The following NR1H4 variants were observed in gnomAD, a reference collection of about 807,000 sequenced individuals.
NR1H4 encodes bile acid receptor.
Under a neutral mutation model 58.5 loss-of-function variants are expected in NR1H4, and 23 were observed. The ratio of observed to expected loss-of-function variants is 0.39; its 90% CI spans 0.28 to 0.56. NR1H4 has a LOEUF of 0.56. NR1H4 is among the 20% of genes least tolerant of loss of function. The probability of loss-of-function intolerance (pLI) is 0.58; values close to 1 mark genes in which losing one functional copy is unlikely to be tolerated. For synonymous variants in NR1H4, 214 were observed against 198.0 expected, an observed-to-expected ratio of 1.08 and a Z score of -0.68; for missense variants, 487 against 576.9, an observed-to-expected ratio of 0.84 and a Z score of 1.60.
chr12:100,511,434 A>T (rs1291635638), intron 4 of NR1H4, among the ~76,000 whole-genome samples: 1 of 152,116 alleles, frequency 6.6e-6, no homozygotes, highest in African/African-American at 2.4e-5. Flanking sequence ...ATTAAATTGA[A>T]TTTTTTGTAG....
chr12:100,530,742 C>T (rs192154990), intron 4 of NR1H4, among the ~76,000 whole-genome samples: 2 of 152,286 alleles, frequency 1.3e-5, no homozygotes, highest in South Asian at 2.1e-4. Flanking sequence ...ACCACTGGAA[C>T]GTGTAGTAAC....
Position 100,548,010 on chromosome 12 carries a change from G to A in NR1H4, c.1078+7192G>A, listed in dbSNP as rs750251922. 5.7e-4 allele frequency among the ~76,000 whole-genome samples: 85 copies of A among 150,298 alleles called. 1 individual carries two copies. The highest frequency in any genetic ancestry group is 1.1e-3 in the Non-Finnish European group (73 of 67,520). ...GCTGGGATTACAGGCTTGAGCCACC[G>A]CACCCGGCCCTGTTCCTCTTTTTAT... On this transcript the variant is annotated intron_variant, in intron 9 of 10. Transcript: ENST00000392986.
intron 4 of NR1H4, among the ~76,000 whole-genome samples, chr12:100,513,373 A>G (rs1223409096): frequency 1.3e-5 from 2 of 152,220 alleles, no homozygotes; most frequent in African/African-American, 4.8e-5. Context: ...AGTAAATATT[A>G]CCCTCGATTC....
chr12:100,506,251 C>T (rs928843324), intron 3 of NR1H4, among the ~76,000 whole-genome samples: 3 of 152,082 alleles, frequency 2.0e-5, no homozygotes, highest in Non-Finnish European at 2.9e-5. Flanking sequence ...TCTCAGCAAC[C>T]GTATTTTACA....
chr12:100,528,790 C>CA (rs1297760924), intron 4 of NR1H4, among the ~76,000 whole-genome samples: 2 of 152,164 alleles, frequency 1.3e-5, no homozygotes, highest in African/African-American at 4.8e-5. Flanking sequence ...ATACCAGAGT[C>CA]AAAAAACCCT....
intron 4 of NR1H4, among the ~76,000 whole-genome samples, chr12:100,529,576 G>A (rs574227301): frequency 8.6e-4 from 130 of 151,878 alleles, no homozygotes; most frequent in African/African-American, 2.3e-3. Context: ...CTACCCAACC[G>A]CCACCAAGAT....
At chr12:100,516,403 T>C (rs1232745917) in intron 4 of NR1H4, among the ~76,000 whole-genome samples, 1 of 152,090 alleles carries the variant, frequency 6.6e-6, no homozygotes, top group African/African-American at 2.4e-5. Context: ...GGATTCTTGC[T>C]CTGTCACCCA....
intron 9 of NR1H4, 119 bp from the exon 10 acceptor site, chr12:100,561,763 CATT>C (rs1483629934): frequency 1.6e-6 from 1 of 634,806 alleles, no homozygotes; most frequent in Non-Finnish European, 2.8e-6. Context: ...ATAATATAGT[CATT>C]ATTTGAATGT....
intron 1 of NR1H4, among the ~76,000 whole-genome samples, chr12:100,486,859 A>G (rs1953502506): frequency 6.6e-6 from 1 of 152,166 alleles, no homozygotes; most frequent in South Asian, 2.1e-4. Flanking sequence ...GAAGCAATAA[A>G]AGTAACCTTT....
intron 1 of NR1H4, among the ~76,000 whole-genome samples, chr12:100,485,833 C>T (rs1445409690): frequency 6.6e-6 from 1 of 152,042 alleles, no homozygotes; most frequent in Non-Finnish European, 1.5e-5. Context: ...TATGCCCAGC[C>T]GCTAGTTCAT....
intron 9 of NR1H4, among the ~76,000 whole-genome samples, chr12:100,556,729 A>C (rs1955337689): frequency 6.6e-6 from 1 of 152,152 alleles, no homozygotes; most frequent in South Asian, 2.1e-4. Context: ...TATGCCAGTA[A>C]ACTTAGTCAA....
intron 9 of NR1H4, among the ~76,000 whole-genome samples, chr12:100,546,636 A>G (rs771304778): frequency 2.0e-5 from 3 of 152,132 alleles, no homozygotes; most frequent in Non-Finnish European, 4.4e-5. Flanking sequence ...TGGAGGCAGC[A>G]GTAAGCCAAG....
chr12:100,474,026 C>G lies in NR1H4; in HGVS notation c.-223C>G, dbSNP rs1375170216. The G allele has an allele frequency of 6.6e-6, 1 of 152,160 alleles. No individual in the cohort carries two copies. The highest frequency in any genetic ancestry group is 1.5e-5 in the Non-Finnish European group (1 of 68,048). The allele number at this position is 152,160 out of a possible 1,614,324, so 9.4% of individuals were successfully genotyped here. A position where few individuals can be genotyped will look rare whatever the true frequency, so the allele number is the denominator to read the frequency against. ...ACTCAGTCCAGAATCCTCCCAGGGC[C>G]TTGAAAGTCCATCTCTGACCCAAAA... On this transcript the variant is annotated 5_prime_UTR_variant, in exon 1 of 11. Transcript: ENST00000392986.
At chr12:100,491,804 G>A (rs953257352) in intron 1 of NR1H4, among the ~76,000 whole-genome samples, 2 of 151,890 alleles carry the variant, frequency 1.3e-5, no homozygotes, top group Admixed American at 1.3e-4. Context: ...TCTTCATGTG[G>A]TTCTTCTCTG....
intron 5 of NR1H4, among the ~76,000 whole-genome samples, chr12:100,534,098 T>G (rs1033476856): frequency 1.3e-5 from 2 of 151,394 alleles, no homozygotes; most frequent in African/African-American, 4.9e-5. Context: ...GGGTTTCACC[T>G]TGTTAGCCAG....
chr12:100,564,016 TCA>T lies in NR1H4; in HGVS notation c.*528_*529del, dbSNP rs1437775854. 6.5e-6 allele frequency: 1 copy of T among 154,442 alleles called. No homozygotes were observed. The highest frequency in any genetic ancestry group is 1.4e-5 in the Non-Finnish European group (1 of 69,530). 9.6% of individuals were successfully genotyped at this position (154,442 alleles called of 1,614,324 possible). On this transcript the variant is annotated 3_prime_UTR_variant, in exon 11 of 11. Transcript: ENST00000392986. ...TGGAAAAGTCCTGGTGAATAGTCAT[TCA>T]TTTGTAATAGCCCTCTGATCATTTC...
intron 9 of NR1H4, among the ~76,000 whole-genome samples, chr12:100,557,536 G>T (rs75078291): frequency 2.0e-5 from 3 of 152,122 alleles, no homozygotes; most frequent in African/African-American, 7.2e-5. Flanking sequence ...TCTGGTGAAC[G>T]CATCCCTCAT....
chr12:100,498,081 T>C (rs925282879), intron 3 of NR1H4, among the ~76,000 whole-genome samples: 3 of 152,168 alleles, frequency 2.0e-5, no homozygotes, highest in African/African-American at 7.2e-5. Flanking sequence ...TTCTCTGAAC[T>C]TCAGTTTTTA....
At chr12:100,490,321 G>T (rs1480658416) in intron 1 of NR1H4, among the ~76,000 whole-genome samples, 5 of 152,166 alleles carry the variant, frequency 3.3e-5, no homozygotes, top group Non-Finnish European at 5.9e-5. Flanking sequence ...GTACGGGGGA[G>T]CTTGCTGAAC....
Sources: allele counts gnomAD v4.1 joint callset (sites outside exome capture counted in the v4.1 genomes callset), GRCh38; gene constraint gnomAD v4.1.1; transcripts MANE v1.5; gene names NCBI Gene and HGNC (gene_info 2026-07-23, HGNC 2026-07-21).